NAV2: variants seen among roughly 807,000 people sequenced by gnomAD.
NAV2 encodes the protein neuron navigator 2.
In NAV2, 54 loss-of-function variants were observed where a neutral mutation model predicts 223.2. That is an observed-to-expected ratio of 0.24 (90% CI 0.19 to 0.30). The LOEUF is 0.30. Among genes scored for constraint, NAV2 ranks in the 10% least tolerant of loss-of-function variants. The pLI is 1.00. For synonymous variants in NAV2, 1,279 were observed against 1,239.3 expected (o/e 1.03, Z -0.67); for missense variants, 2,806 against 3,147.5 (o/e 0.89, Z 2.60).
At chr11:19,967,509 AG>A (rs2048872616) in intron 10 of NAV2, among the ~76,000 whole-genome samples, 1 of 152,198 alleles carries the variant, frequency 6.6e-6, no homozygotes, top group South Asian at 2.1e-4. Flanking sequence ...TACTTAGAAA[AG>A]CAGTAGGTTC....
At chr11:19,438,022 C>T (rs1222553221) in intron 1 of NAV2, among the ~76,000 whole-genome samples, 1 of 152,130 alleles carries the variant, frequency 6.6e-6, no homozygotes, top group Non-Finnish European at 1.5e-5. Flanking sequence ...AATGAAAAGC[C>T]TTCACTGGGG....
chr11:20,076,382 C>T (rs2059755576), intron 22 of NAV2, among the ~76,000 whole-genome samples: 1 of 152,198 alleles, frequency 6.6e-6, no homozygotes, highest in African/African-American at 2.4e-5. Flanking sequence ...GCAAGGTAGA[C>T]ATGGTGTCAG....
chr11:20,042,545 T>A (rs746450415), intron 12 of NAV2, among the ~76,000 whole-genome samples: 10 of 152,104 alleles, frequency 6.6e-5, no homozygotes, highest in Non-Finnish European at 1.5e-4. Context: ...CTGTAATGGA[T>A]GAGTGGAATT....
chr11:19,586,913 G>A lies in NAV2; in HGVS notation c.75+235886G>A, dbSNP rs576596406. ...ACTACTCTCTTCAAAGCTGTCAGTC[G>A]GGGACATTTAAGTCTGCAGAGGTTT... On this transcript the variant is annotated intron_variant, in intron 1 of 37. Coordinates refer to the NAV2 transcript ENST00000360655. 3.0e-3 allele frequency among the ~76,000 whole-genome samples: 462 copies of A among 152,304 alleles called. 4 individuals carry two copies. The highest frequency in any genetic ancestry group is 0.01 in the African/African-American group (428 of 41,570).
intron 1 of NAV2, among the ~76,000 whole-genome samples, chr11:19,359,969 C>G (rs776614283): frequency 6.6e-6 from 1 of 152,184 alleles, no homozygotes; most frequent in Non-Finnish European, 1.5e-5. Context: ...CATCACTACT[C>G]GTCTCTTTTA....
At chr11:19,707,601 G>A (rs891095938) in intron 1 of NAV2, among the ~76,000 whole-genome samples, 6 of 152,280 alleles carry the variant, frequency 3.9e-5, no homozygotes, top group African/African-American at 7.2e-5. Context: ...GGACCTGCCT[G>A]AGACTGTTTT....
At chr11:19,987,887 A>G (rs1022922680) in intron 11 of NAV2, among the ~76,000 whole-genome samples, 7 of 152,224 alleles carry the variant, frequency 4.6e-5, no homozygotes, top group African/African-American at 1.7e-4. Context: ...CTTATTACAC[A>G]TCATAGGCTC....
At chr11:19,977,995 G>GT (rs1565684585) in intron 10 of NAV2, among the ~76,000 whole-genome samples, 7 of 132,380 alleles carry the variant, frequency 5.3e-5, no homozygotes, top group Non-Finnish European at 1.2e-4. Context: ...TGTTTTTTTT[G>GT]GTTTTTTTTA....
At chr11:19,532,641 C>T (rs111449727) in intron 1 of NAV2, among the ~76,000 whole-genome samples, 7 of 152,296 alleles carry the variant, frequency 4.6e-5, no homozygotes, top group South Asian at 4.2e-4. Flanking sequence ...AGGCTACTCA[C>T]GGTGGTGGAG....
intron 1 of NAV2, among the ~76,000 whole-genome samples, chr11:19,704,700 G>C (rs1328263314): frequency 6.6e-6 from 1 of 152,120 alleles, no homozygotes; most frequent in African/African-American, 2.4e-5. Flanking sequence ...AACTATGGTT[G>C]CCTAGTCATA....
Position 19,713,334 on chromosome 11 carries a change from A to C in NAV2, c.-362A>C. On this transcript the variant is annotated 5_prime_UTR_variant, in exon 1 of 38. Transcript: ENST00000349880. This position sits in a 1 kb window ranked among gnomAD's most constrained non-coding sequence, Gnocchi z 7.2. ...TCCTCACTTCGGAGATGCAGTGACA[A>C]GTTAATATGGGCGTCCAAGCCTCTG... 9.2e-7 allele frequency: 1 copy of C among 1,089,182 alleles called. No homozygotes were observed. The allele number at this position is 1,089,182 out of a possible 1,614,324, so 67.5% of individuals were successfully genotyped here.
intron 1 of NAV2, among the ~76,000 whole-genome samples, chr11:19,589,645 T>A (rs1481621033): frequency 6.6e-6 from 1 of 152,172 alleles, no homozygotes; most frequent in African/African-American, 2.4e-5. Context: ...GAAGGGCCTC[T>A]ATGTATCTAG....
Position 20,118,316 on chromosome 11 carries a change from C to T in NAV2, c.*58C>T. 2 of 1,589,770 alleles carry T rather than the reference C, an allele frequency of 1.3e-6. No homozygotes were observed. Among genetic ancestry groups the T allele is most frequent in the Admixed American group, 1.7e-5 (1 of 59,278 alleles). On this transcript the variant is annotated 3_prime_UTR_variant, in exon 38 of 38. Transcript: ENST00000349880. ...CCTCACCGCATTCCACCTGCATCCCCCACATCACCCTGAAGATGACTTCCT... is the reference window on the plus strand; with the variant it reads ...CCTCACCGCATTCCACCTGCATCCCTCACATCACCCTGAAGATGACTTCCT...
intron 1 of NAV2, among the ~76,000 whole-genome samples, chr11:19,627,791 C>T (rs936013328): frequency 1.3e-5 from 2 of 151,882 alleles, no homozygotes; most frequent in African/African-American, 4.8e-5. Context: ...TTGGGCCCCG[C>T]CTGCAAAGTG....
At chr11:19,952,737 T>C (rs2047499182) in intron 10 of NAV2, among the ~76,000 whole-genome samples, 1 of 151,896 alleles carries the variant, frequency 6.6e-6, no homozygotes, top group Non-Finnish European at 1.5e-5. Context: ...TCATTTTCTG[T>C]ACTGGTGTGT....
At chr11:20,027,603 T>G (rs1019719557) in intron 11 of NAV2, 2 of 300,878 alleles carry the variant, frequency 6.6e-6, no homozygotes, top group Non-Finnish European at 9.8e-6. Flanking sequence ...ACCCAGCCTT[T>G]GGAGTTTGGG....
chr11:19,438,723 G>A (rs1293606190), intron 1 of NAV2, among the ~76,000 whole-genome samples: 3 of 152,128 alleles, frequency 2.0e-5, no homozygotes, highest in East Asian at 1.9e-4. Context: ...TATTATAAAC[G>A]GTACAGATTA....
rs568335350 is a variant in NAV2 at position 19,683,516 on chromosome 11, T to C, written c.76-148968T>C. ...TATGCTGGCATTACTGGTAGAGTTC[T>C]CAGCCAGCTGACTGGGCCCATCCAA... On this transcript the variant is annotated intron_variant, in intron 1 of 37. Transcript: ENST00000360655. Among the ~76,000 whole-genome samples, 11 of 152,388 alleles carry C rather than the reference T, an allele frequency of 7.2e-5. No individual in the cohort carries two copies. The East Asian group carries it at 1.7e-3, about 24-fold the overall frequency.
rs1263683716 is a variant in NAV2 at position 20,118,823 on chromosome 11, C to T, written c.*565C>T. 1.3e-5 allele frequency: 2 copies of T among 154,750 alleles called. No individual in the cohort carries two copies. The highest frequency in any genetic ancestry group is 1.3e-4 in the Admixed American group (2 of 15,436). The allele number at this position is 154,750 out of a possible 1,614,324, so 9.6% of individuals were successfully genotyped here. ...TGCTTTGGTCACGTTCAACGCACTACAGAGCTACGACACAGGGAAACCTTA... is the reference window on the plus strand; with the variant it reads ...TGCTTTGGTCACGTTCAACGCACTATAGAGCTACGACACAGGGAAACCTTA... On this transcript the variant is annotated 3_prime_UTR_variant, in exon 38 of 38. Coordinates refer to ENST00000349880, the MANE Select transcript of NAV2 (RefSeq NM_145117.5).
Sources: gnomAD v4.1 joint callset for allele counts (sites outside exome capture counted in the v4.1 genomes callset) on GRCh38, gnomAD v4.1.1 for gene constraint, Gnocchi (gnomAD v3.1) non-coding constraint, MANE v1.5 for transcripts, NCBI Gene and HGNC (gene_info 2026-07-23, HGNC 2026-07-21) for gene names.